Variants in TNKS observed in about 807,000 individuals in gnomAD.
The protein encoded by TNKS is poly [ADP-ribose] polymerase tankyrase-1.
Under a neutral mutation model 135.8 loss-of-function variants are expected in TNKS, and 72 were observed. The observed-to-expected ratio is 0.53, with a 90% confidence interval of 0.44 to 0.64. The LOEUF (loss-of-function observed/expected upper bound fraction) is 0.64. Among genes scored for constraint, TNKS ranks in the 30% least tolerant of loss-of-function variants. The pLI, the probability that TNKS is intolerant of heterozygous loss-of-function variation, is 0.00. For synonymous variants in TNKS, 849 were observed against 649.3 expected, an observed-to-expected ratio of 1.31 and a Z score of -4.68; for missense variants, 1,769 against 1,674.0, an observed-to-expected ratio of 1.06 and a Z score of -0.99.
At chr8:9,608,151 G>C (rs1299370618) in intron 2 of TNKS, among the ~76,000 whole-genome samples, 1 of 152,018 alleles carries the variant, frequency 6.6e-6, no homozygotes, top group African/African-American at 2.4e-5. Context: ...ATGTTGCCCA[G>C]GCTGGTCTTA....
At chr8:9,697,827 A>G (rs560022537) in intron 5 of TNKS, among the ~76,000 whole-genome samples, 2 of 152,302 alleles carry the variant, frequency 1.3e-5, no homozygotes, top group East Asian at 3.9e-4. Flanking sequence ...ATGCTTATAC[A>G]CTGTGGAATG....
intron 3 of TNKS, among the ~76,000 whole-genome samples, chr8:9,661,450 T>C (rs201137635): frequency 1.1e-4 from 17 of 151,976 alleles, no homozygotes; most frequent in African/African-American, 1.7e-4. Flanking sequence ...ACTATCTGAT[T>C]TTTGACAAGC....
intron 25 of TNKS, among the ~76,000 whole-genome samples, chr8:9,768,623 G>T (rs1217507684): frequency 1.3e-5 from 2 of 152,244 alleles, no homozygotes; most frequent in African/African-American, 4.8e-5. Flanking sequence ...GTCATCTCCT[G>T]CCTCGGCAGC....
At chr8:9,562,361 A>G (rs2129049543) in intron 1 of TNKS, among the ~76,000 whole-genome samples, 1 of 152,098 alleles carries the variant, frequency 6.6e-6, no homozygotes, top group South Asian at 2.1e-4. Flanking sequence ...TTTTATGGTT[A>G]TTGCTTTCTC....
chr8:9,735,093 C>A lies in TNKS; in HGVS notation c.2533+9C>A, dbSNP rs754282459. The A allele has an allele frequency of 3.7e-6, 6 of 1,610,466 alleles. No individual in the cohort carries two copies. The highest frequency in any genetic ancestry group is 5.1e-6 in the Non-Finnish European group (6 of 1,178,576). ...CCCTCTGCACCTGGCAGGTAAGCGC[C>A]CCCAGTGCCTCCAAGCCTCCTTTTC... is the stretch of plus-strand genomic sequence containing the variant. On this transcript the variant is annotated intron_variant, in intron 16 of 26. Coordinates refer to ENST00000310430, the MANE Select transcript of TNKS (RefSeq NM_003747.3).
At chr8:9,590,866 T>G (rs781121580) in intron 2 of TNKS, among the ~76,000 whole-genome samples, 10 of 152,246 alleles carry the variant, frequency 6.6e-5, no homozygotes, top group Non-Finnish European at 1.2e-4. Context: ...TTTCGTGATA[T>G]TGTCCTTTGA....
Position 9,704,397 on chromosome 8 carries a change from G to C in TNKS, c.1108-266G>C, listed in dbSNP as rs531764814. 3.9e-5 allele frequency among the ~76,000 whole-genome samples: 6 copies of C among 152,198 alleles called. No homozygotes were observed. In the South Asian group the frequency reaches 1.2e-3, roughly 32 times the overall value. ...AATGTTTCATGTTGGAAAGAAATAGGAAATCATGTAGAATAGGTAGGGTAA... is the reference window on the plus strand; with the variant it reads ...AATGTTTCATGTTGGAAAGAAATAGCAAATCATGTAGAATAGGTAGGGTAA... On this transcript the variant is annotated intron_variant, in intron 5 of 26. Coordinates refer to ENST00000310430, the MANE Select transcript of TNKS (RefSeq NM_003747.3).
intron 17 of TNKS, among the ~76,000 whole-genome samples, chr8:9,744,391 A>G (rs1806128728): frequency 6.6e-6 from 1 of 152,218 alleles, no homozygotes; most frequent in Admixed American, 6.5e-5. Flanking sequence ...AAAATGGATA[A>G]CATTTGGGGA....
intron 11 of TNKS, among the ~76,000 whole-genome samples, chr8:9,716,699 G>A (rs898092602): frequency 6.6e-6 from 1 of 151,570 alleles, no homozygotes; most frequent in African/African-American, 2.4e-5. Flanking sequence ...TGTCTCCGTC[G>A]CTCCCTGTCT....
intron 3 of TNKS, among the ~76,000 whole-genome samples, chr8:9,619,635 C>T (rs952150147): frequency 6.6e-6 from 1 of 152,142 alleles, no homozygotes; most frequent in Non-Finnish European, 1.5e-5. Context: ...CATTGCACTT[C>T]TGTGGAAATC....
intron 5 of TNKS, among the ~76,000 whole-genome samples, chr8:9,695,882 G>T (rs1016801872): frequency 6.6e-6 from 1 of 152,186 alleles, no homozygotes; most frequent in Admixed American, 6.5e-5. Context: ...GTAACTAAAA[G>T]GATGGCGTTG....
intron 5 of TNKS, among the ~76,000 whole-genome samples, chr8:9,702,588 G>T (rs942776035): frequency 6.6e-6 from 1 of 152,214 alleles, no homozygotes; most frequent in African/African-American, 2.4e-5. Context: ...TAAAATGAGA[G>T]TGAAGAGTCC....
At chr8:9,680,889 C>A in intron 5 of TNKS, 89 bp downstream of exon 5, 1 of 904,192 alleles carries the variant, frequency 1.1e-6, no homozygotes. Flanking sequence ...CGTATACCTA[C>A]ATGGCTTTAT....
intron 14 of TNKS, 98 bp downstream of exon 14, chr8:9,731,133 T>A: frequency 7.6e-7 from 1 of 1,310,962 alleles, no homozygotes; most frequent in Non-Finnish European, 1.0e-6. Context: ...ATTAAAAAAG[T>A]AATCGTTATT....
At chr8:9,624,371 G>T (rs1284906963) in intron 3 of TNKS, among the ~76,000 whole-genome samples, 1 of 152,178 alleles carries the variant, frequency 6.6e-6, no homozygotes, top group Admixed American at 6.5e-5. Flanking sequence ...ATTCATTAAT[G>T]CTTTGCTATT....
intron 3 of TNKS, among the ~76,000 whole-genome samples, chr8:9,649,339 C>T (rs892722541): frequency 2.0e-5 from 3 of 152,146 alleles, no homozygotes; most frequent in African/African-American, 7.2e-5. Flanking sequence ...ACAAATTATA[C>T]ATGGCGAATA....
chr8:9,618,037 A>C (rs1305876324), intron 3 of TNKS, among the ~76,000 whole-genome samples: 2 of 137,050 alleles, frequency 1.5e-5, no homozygotes, highest in Non-Finnish European at 3.0e-5. Context: ...CCCAGGCTAG[A>C]GTTCAGTGGA....
intron 5 of TNKS, among the ~76,000 whole-genome samples, chr8:9,699,677 A>G (rs935622210): frequency 2.0e-5 from 3 of 151,968 alleles, no homozygotes; most frequent in Admixed American, 2.0e-4. Flanking sequence ...AGCTACTCCT[A>G]CTTAGATGCT....
intron 12 of TNKS, among the ~76,000 whole-genome samples, chr8:9,724,315 T>C (rs575636687): frequency 1.3e-5 from 2 of 152,188 alleles, no homozygotes; most frequent in South Asian, 4.1e-4. Flanking sequence ...TAGCCGGGTA[T>C]GGTGGTGCAT....
Sources: allele counts gnomAD v4.1 joint callset (sites outside exome capture counted in the v4.1 genomes callset), GRCh38; gene constraint gnomAD v4.1.1; transcripts MANE v1.5; gene names NCBI Gene and HGNC (gene_info 2026-07-23, HGNC 2026-07-21).